SEL1L2: variants seen among roughly 807,000 people sequenced by gnomAD.
SEL1L2 encodes the protein protein sel-1 homolog 2.
Under a neutral mutation model 98.8 loss-of-function variants are expected in SEL1L2, and 89 were observed. That is an observed-to-expected ratio of 0.90 (90% CI 0.76 to 1.07). The LOEUF is 1.07. Among genes scored for constraint, SEL1L2 ranks in the 50% least tolerant of loss-of-function variants. The pLI is 0.00. For missense variants in SEL1L2, 788 were observed against 812.0 expected (o/e 0.97, Z 0.36); for synonymous variants, 262 against 278.5 (o/e 0.94, Z 0.59).
chr20:13,928,430 A>G (rs1210964134), intron 3 of SEL1L2: 1 of 152,234 alleles, frequency 6.6e-6, no homozygotes, highest in Non-Finnish European at 1.5e-5. Context: ...TGCACACTGT[A>G]TAAGACATTC....
At chr20:13,855,529 G>A (rs2013426064) in intron 18 of SEL1L2, among the ~76,000 whole-genome samples, 1 of 152,174 alleles carries the variant, frequency 6.6e-6, no homozygotes, top group South Asian at 2.1e-4. Flanking sequence ...AATGCTATCT[G>A]TAACAAATCC....
intron 5 of SEL1L2, 21 bp from the exon 6 acceptor site, chr20:13,888,533 C>T (rs2047058073): frequency 7.4e-7 from 1 of 1,357,432 alleles, no homozygotes; most frequent in Non-Finnish European, 1.0e-6. Flanking sequence ...AAAGAAGAAA[C>T]AAAATTTAAT....
chr20:13,939,040 G>GGTTTTTTTTTTTTTTTTTTTTTTTTT lies in SEL1L2; in HGVS notation c.115-7270_115-7269insAAAAAAAAAAAAAAAAAAAAAAAAAC. On this transcript the variant is annotated intron_variant, in intron 2 of 19. Coordinates refer to ENST00000284951, the MANE Select transcript of SEL1L2 (RefSeq NM_025229.2). ...TCTTTTTGGTTTGTTTGCTTGTTTT[G>GGTTTTTTTTTTTTTTTTTTTTTTTTT]TTTTTTTTTTTTTTTTTTTCTGAGA... 1.5e-3 allele frequency among the ~76,000 whole-genome samples: 170 copies of GGTTTTTTTTTTTTTTTTTTTTTTTTT among 114,074 alleles called. 37 individuals carry two copies. Among genetic ancestry groups the GGTTTTTTTTTTTTTTTTTTTTTTTTT allele is most frequent in the Admixed American group, 1.9e-3 (19 of 10,126 alleles). The allele number at this position is 114,074 out of a possible 152,430, so 74.8% of individuals were successfully genotyped here.
At chr20:13,918,482 C>T (rs1200738280) in intron 4 of SEL1L2, among the ~76,000 whole-genome samples, 2 of 152,178 alleles carry the variant, frequency 1.3e-5, no homozygotes, top group African/African-American at 4.8e-5. Flanking sequence ...ACAGCTTGGT[C>T]ACCTCCCAGC....
At chr20:13,938,247 A>C (rs1274503765) in intron 2 of SEL1L2, among the ~76,000 whole-genome samples, 1 of 151,720 alleles carries the variant, frequency 6.6e-6, no homozygotes, top group Non-Finnish European at 1.5e-5. Context: ...CACCTGGCTA[A>C]TTTTTGTATT....
At chr20:13,991,492 G>A (rs2052531848), upstream of SEL1L2, among the ~76,000 whole-genome samples, 1 of 152,186 alleles carries the variant, frequency 6.6e-6, no homozygotes, top group South Asian at 2.1e-4. Flanking sequence ...GGAGGCTCCA[G>A]GGAAGAATCC....
chr20:13,891,754 A>C (rs1050759742), intron 5 of SEL1L2, among the ~76,000 whole-genome samples: 2 of 152,094 alleles, frequency 1.3e-5, no homozygotes, highest in South Asian at 2.1e-4. Flanking sequence ...TGAAAGAAGA[A>C]TAAAGCCCTT....
At chr20:13,859,765 A>G (rs1422834349) in intron 17 of SEL1L2, among the ~76,000 whole-genome samples, 1 of 152,136 alleles carries the variant, frequency 6.6e-6, no homozygotes, top group East Asian at 1.9e-4. Flanking sequence ...CTGGAGTGCA[A>G]TGGCACATTC....
At chr20:13,868,037 G>A (rs917606078) in intron 14 of SEL1L2, among the ~76,000 whole-genome samples, 1 of 151,826 alleles carries the variant, frequency 6.6e-6, no homozygotes, top group Admixed American at 6.6e-5. Flanking sequence ...ATTTGTCTTG[G>A]CCACTTCCTC....
chr20:13,866,580 G>T, intron 15 of SEL1L2, 122 bp downstream of exon 15: 4 of 840,610 alleles, frequency 4.8e-6, no homozygotes, highest in Non-Finnish European at 6.9e-6. Flanking sequence ...TATTCACATT[G>T]TCAACTGGAA....
Position 13,849,401 on chromosome 20 carries a change from G to C in SEL1L2, c.*84C>G, listed in dbSNP as rs1240204201. On this transcript the variant is annotated 3_prime_UTR_variant, in exon 20 of 20. Coordinates refer to ENST00000284951, the MANE Select transcript of SEL1L2 (RefSeq NM_025229.2). ...GAGCGGGAAACTGCAGCGGACTCTT[G>C]ATTTGGATGGGAAACTGTTTATTTA... 1.3e-6 allele frequency: 2 copies of C among 1,540,284 alleles called. No individual in the cohort carries two copies. The highest frequency in any genetic ancestry group is 3.6e-5 in the Admixed American group (2 of 55,934).
rs149374087 is a variant in SEL1L2, at chr20:13,971,780, T to G, written c.59-15649A>C. 9.2e-5 allele frequency among the ~76,000 whole-genome samples: 14 copies of G among 152,288 alleles called. No individual in the cohort carries two copies. The East Asian group carries it at 2.7e-3, about 29-fold the overall frequency. On this transcript the variant is annotated intron_variant, in intron 1 of 19. Coordinates refer to ENST00000284951, the MANE Select transcript of SEL1L2 (RefSeq NM_025229.2). ...ATCTGGATCATTTTTGTGATTCGTATGAAGTGGGATCTACCATTTTGTCCT... is the reference window on the plus strand; with the variant it reads ...ATCTGGATCATTTTTGTGATTCGTAGGAAGTGGGATCTACCATTTTGTCCT...
At chr20:13,866,627 C>A (rs1000334894) in intron 15 of SEL1L2, 75 bp downstream of exon 15, 10 of 1,198,852 alleles carry the variant, frequency 8.3e-6, no homozygotes, top group Non-Finnish European at 1.1e-5. Context: ...AAGACACCAA[C>A]AATTTAAGAA....
At chr20:13,975,409 T>C (rs562145720) in intron 1 of SEL1L2, among the ~76,000 whole-genome samples, 5 of 152,310 alleles carry the variant, frequency 3.3e-5, no homozygotes, top group African/African-American at 1.2e-4. Flanking sequence ...AATATGATTG[T>C]GAGGAAAATA....
intron 12 of SEL1L2, among the ~76,000 whole-genome samples, chr20:13,874,199 T>G (rs899888552): frequency 6.6e-6 from 1 of 152,234 alleles, no homozygotes; most frequent in Non-Finnish European, 1.5e-5. Flanking sequence ...ACAGTCACTG[T>G]GCTTGTTTCT....
At chr20:13,903,578 C>T (rs537809177) in intron 5 of SEL1L2, among the ~76,000 whole-genome samples, 10 of 152,114 alleles carry the variant, frequency 6.6e-5, no homozygotes, top group South Asian at 4.2e-4. Flanking sequence ...TTTAGGAGGC[C>T]GAGGCAGGCA....
chr20:13,858,590 G>A (rs145083355), intron 18 of SEL1L2, among the ~76,000 whole-genome samples: 2 of 152,150 alleles, frequency 1.3e-5, no homozygotes, highest in Admixed American at 1.3e-4. Flanking sequence ...TATTATTATC[G>A]TTATTGATAC....
intron 4 of SEL1L2, among the ~76,000 whole-genome samples, chr20:13,917,225 AT>A (rs558112510): frequency 3.3e-5 from 5 of 152,158 alleles, no homozygotes; most frequent in Admixed American, 3.3e-4. Flanking sequence ...GTTCTTACTT[AT>A]TTAGCCAGTG....
chr20:13,903,339 C>A (rs746619280), intron 5 of SEL1L2, among the ~76,000 whole-genome samples: 27 of 152,118 alleles, frequency 1.8e-4, no homozygotes, highest in Non-Finnish European at 3.5e-4. Context: ...TTCCTCCTCA[C>A]TCCTTCTCTC....
Sources: allele counts gnomAD v4.1 joint callset (sites outside exome capture counted in the v4.1 genomes callset), GRCh38; gene constraint gnomAD v4.1.1; transcripts MANE v1.5; gene names NCBI Gene and HGNC (gene_info 2026-07-23, HGNC 2026-07-21).